The following FRYL variants were observed in gnomAD, a reference collection of about 807,000 sequenced individuals.
FRYL encodes FRY like transcription coactivator.
FRYL carries 150 observed loss-of-function variants against 351.2 expected under a neutral mutation model. That is an observed-to-expected ratio of 0.43 (90% CI 0.37 to 0.49). The LOEUF (loss-of-function observed/expected upper bound fraction) is 0.49. Among genes scored for constraint, FRYL ranks in the 20% least tolerant of loss-of-function variants. FRYL has a pLI of 0.00. For synonymous variants in FRYL, 1,153 were observed against 1,257.1 expected (o/e 0.92, Z 1.75); for missense variants, 3,036 against 3,619.3 (o/e 0.84, Z 4.13).
At chr4:48,560,954 G>C (rs1006442345) in intron 33 of FRYL, among the ~76,000 whole-genome samples, 1 of 152,148 alleles carries the variant, frequency 6.6e-6, no homozygotes, top group Admixed American at 6.5e-5. Flanking sequence ...TTGGAGCATG[G>C]CCAGTACTTA....
At chr4:48,691,358 T>C (rs1371031777) in intron 2 of FRYL, among the ~76,000 whole-genome samples, 1 of 152,164 alleles carries the variant, frequency 6.6e-6, no homozygotes, top group Non-Finnish European at 1.5e-5. Context: ...AAAAAAATCA[T>C]GGCACATTCC....
chr4:48,612,497 C>CGTGT (rs10657991), intron 7 of FRYL, among the ~76,000 whole-genome samples: 36,230 of 149,808 alleles, frequency 0.24, 4,625 homozygotes, highest in Admixed American at 0.38. Flanking sequence ...TGTGTGTGCA[C>CGTGT]GTGTGTGTGT....
chr4:48,603,892 C>T (rs1746184630), intron 11 of FRYL, among the ~76,000 whole-genome samples: 1 of 152,154 alleles, frequency 6.6e-6, no homozygotes, highest in African/African-American at 2.4e-5. Context: ...AGAAGCTCTT[C>T]CCACAGACAC....
rs111623551 is a variant in FRYL, at chr4:48,544,039, A to G, written c.5402-42T>C. ...AACGAGTAGGTTGTTCTTGTTCTTT[A>G]GAATACTAATGGGGTTATAATCAGA... On this transcript the variant is annotated intron_variant, in intron 43 of 63. Transcript: ENST00000358350. 1.2e-3 allele frequency: 1,895 copies of G among 1,541,222 alleles called. 22 individuals carry two copies. In the African/African-American group the frequency reaches 0.024, roughly 19 times the overall value.
chr4:48,553,784 C>T (rs1371381061), intron 35 of FRYL, among the ~76,000 whole-genome samples: 3 of 152,076 alleles, frequency 2.0e-5, no homozygotes, highest in Non-Finnish European at 4.4e-5. Context: ...CAGGGTTTAT[C>T]TTTTATTCCG....
intron 1 of FRYL, among the ~76,000 whole-genome samples, chr4:48,719,032 G>C (rs999106783): frequency 1.3e-5 from 2 of 151,490 alleles, no homozygotes; most frequent in African/African-American, 2.4e-5. Flanking sequence ...CACTCTAACT[G>C]ATCTTTGGCC....
chr4:48,703,605 A>C (rs1766998912), intron 2 of FRYL, among the ~76,000 whole-genome samples: 1 of 152,164 alleles, frequency 6.6e-6, no homozygotes, highest in Non-Finnish European at 1.5e-5. Context: ...ACTTTTTTCC[A>C]CCAAGCTAAT....
chr4:48,718,582 CT>C (rs1769127277), intron 1 of FRYL, among the ~76,000 whole-genome samples: 1 of 151,394 alleles, frequency 6.6e-6, no homozygotes, highest in South Asian at 2.1e-4. Context: ...TTTGAATTCT[CT>C]CTTACAGAGG....
At chr4:48,605,229 G>A (rs756722106) in intron 11 of FRYL, among the ~76,000 whole-genome samples, 5 of 152,108 alleles carry the variant, frequency 3.3e-5, no homozygotes, top group East Asian at 3.8e-4. Context: ...TAAAAAACAC[G>A]TCAATCACTC....
intron 53 of FRYL, 34 bp from the exon 54 acceptor site, chr4:48,523,138 A>G (rs1489344611): frequency 8.4e-6 from 12 of 1,426,790 alleles, no homozygotes; most frequent in Non-Finnish European, 1.2e-5. Context: ...TAAAACCTCA[A>G]ATACATGCTT....
intron 1 of FRYL, among the ~76,000 whole-genome samples, chr4:48,732,004 G>C (rs1231723121): frequency 1.3e-5 from 2 of 152,120 alleles, no homozygotes; most frequent in Non-Finnish European, 2.9e-5. Context: ...CAGAATGGGA[G>C]AAAATTTTTG....
intron 41 of FRYL, 169 bp from the exon 42 acceptor site, chr4:48,546,440 G>T: frequency 1.6e-6 from 1 of 608,634 alleles, no homozygotes. Context: ...CCAAATTACA[G>T]CAAGTAAGTT....
At chr4:48,626,946 A>G (rs1751958267) in intron 4 of FRYL, among the ~76,000 whole-genome samples, 1 of 152,138 alleles carries the variant, frequency 6.6e-6, no homozygotes, top group African/African-American at 2.4e-5. Flanking sequence ...AGATTTGGGG[A>G]ACGTCTTTAG....
At chr4:48,747,122 TGAGA>T (rs1325683439) in intron 1 of FRYL, among the ~76,000 whole-genome samples, 1 of 151,554 alleles carries the variant, frequency 6.6e-6, no homozygotes, top group East Asian at 1.9e-4. Flanking sequence ...GATTAGTCAA[TGAGA>T]GAGGGAGGTT....
At chr4:48,762,350 T>C (rs748735591) in intron 1 of FRYL, among the ~76,000 whole-genome samples, 1 of 152,196 alleles carries the variant, frequency 6.6e-6, no homozygotes, top group Non-Finnish European at 1.5e-5. Context: ...TGTATGAACA[T>C]CCTTCTTAAA....
chr4:48,725,831 T>C (rs1416438311), intron 1 of FRYL, among the ~76,000 whole-genome samples: 1 of 151,642 alleles, frequency 6.6e-6, no homozygotes, highest in Non-Finnish European at 1.5e-5. Context: ...AATCTCTTAC[T>C]GCGCCTTATT....
chr4:48,581,086 C>T, intron 21 of FRYL, 135 bp from the exon 22 acceptor site: 1 of 584,090 alleles, frequency 1.7e-6, no homozygotes, highest in Non-Finnish European at 2.9e-6. Flanking sequence ...CGCTCTGTCA[C>T]CCAGGCTGGA....
intron 37 of FRYL, 148 bp downstream of exon 37, chr4:48,551,346 T>C (rs753833630): frequency 9.7e-6 from 5 of 517,574 alleles, no homozygotes; most frequent in Non-Finnish European, 1.7e-5. Context: ...ACTCTCAATG[T>C]GGAAAGTTTC....
rs1385736748 is a variant in FRYL at position 48,522,972 on chromosome 4, C to A, written c.7450G>T (p.Glu2484Ter). The part of the protein sequence containing the change: ...STPSLNLTNQ[E>*]DTDESSEEEA... ...TCTTCCGAGGACTCATCTGTATCCT[C>A]CTGATTGGTGAGGTTCAGGCTGGGG... Residue 2484 changes from glutamate (E) to a stop codon, truncating the protein, a stop_gained, in exon 54 of 64, where the codon GAG (glutamate) becomes TAG (stop). Coordinates refer to ENST00000358350, the MANE Select transcript of FRYL (RefSeq NM_015030.2). LOFTEE classifies it high-confidence loss of function. 6.2e-7 allele frequency: 1 copy of A among 1,614,038 alleles called. No homozygotes were observed. The highest frequency in any genetic ancestry group is 1.3e-5 in the African/African-American group (1 of 75,030).
Sources: allele counts gnomAD v4.1 joint callset (sites outside exome capture counted in the v4.1 genomes callset), GRCh38; gene constraint gnomAD v4.1.1; transcripts MANE v1.5; gene names NCBI Gene and HGNC (gene_info 2026-07-23, HGNC 2026-07-21).